ANO10: variants seen among roughly 807,000 people sequenced by gnomAD.
The protein encoded by ANO10 is anoctamin-10.
Under a neutral mutation model 74.7 loss-of-function variants are expected in ANO10, and 77 were observed. The ratio of observed to expected loss-of-function variants is 1.03; its 90% CI spans 0.86 to 1.25. The LOEUF (loss-of-function observed/expected upper bound fraction) is 1.25. Ranked by LOEUF, ANO10 falls within the 50% of genes most tolerant of loss-of-function variation. The pLI, the probability that ANO10 is intolerant of heterozygous loss-of-function variation, is 0.00. For missense variants in ANO10, 721 were observed against 778.1 expected (o/e 0.93, Z 0.87); for synonymous variants, 279 against 284.9 (o/e 0.98, Z 0.21).
intron 1 of ANO10, among the ~76,000 whole-genome samples, chr3:43,665,382 CGG>C (rs2083978250): frequency 1.3e-5 from 2 of 151,586 alleles, no homozygotes; most frequent in Non-Finnish European, 2.9e-5. Context: ...GGGGGGTGGG[CGG>C]TTAAGGGAGG....
At chr3:43,656,007 T>C (rs1178477330) in intron 1 of ANO10, among the ~76,000 whole-genome samples, 1 of 76,706 alleles carries the variant, frequency 1.3e-5, no homozygotes, top group Non-Finnish European at 2.6e-5. Context: ...ATAAAGGTTC[T>C]CCACGTCCCC....
At chr3:43,566,174 C>T (rs1330636552) in intron 7 of ANO10, among the ~76,000 whole-genome samples, 4 of 152,122 alleles carry the variant, frequency 2.6e-5, no homozygotes, top group Admixed American at 6.5e-5. Flanking sequence ...GCACCTGGCT[C>T]GGAGGGTCCT....
At chr3:43,596,459 C>T (rs1376009482) in intron 4 of ANO10, among the ~76,000 whole-genome samples, 1 of 152,108 alleles carries the variant, frequency 6.6e-6, no homozygotes, top group Non-Finnish European at 1.5e-5. Context: ...AATAATGCCA[C>T]ACACCTACAA....
chr3:43,658,933 G>A (rs191050695), intron 1 of ANO10, among the ~76,000 whole-genome samples: 1 of 152,250 alleles, frequency 6.6e-6, no homozygotes, highest in Non-Finnish European at 1.5e-5. Context: ...CTTGACCTGG[G>A]TGGTAGTTGT....
intron 4 of ANO10, among the ~76,000 whole-genome samples, chr3:43,587,508 G>A (rs188468113): frequency 8.5e-4 from 129 of 152,308 alleles, no homozygotes; most frequent in African/African-American, 2.8e-3. Flanking sequence ...AACAAGTCTG[G>A]GACCTGACGG....
chr3:43,629,261 T>C (rs2083522990), intron 1 of ANO10, among the ~76,000 whole-genome samples: 2 of 152,236 alleles, frequency 1.3e-5, no homozygotes, highest in Admixed American at 6.5e-5. Context: ...GGATTTGAGA[T>C]AAACATATTT....
chr3:43,485,032 C>T (rs2076415765), intron 11 of ANO10: 18 of 1,440,866 alleles, frequency 1.2e-5, no homozygotes, highest in Non-Finnish European at 1.7e-5. Context: ...GGCTCAGGAC[C>T]CGGTGGGGCA....
At chr3:43,509,031 T>C (rs867811946) in intron 11 of ANO10, among the ~76,000 whole-genome samples, 12 of 151,090 alleles carry the variant, frequency 7.9e-5, no homozygotes, top group South Asian at 2.1e-4. Flanking sequence ...TGGAATACTA[T>C]GCAGCCATAG....
intron 1 of ANO10, among the ~76,000 whole-genome samples, chr3:43,613,709 A>G (rs1327227645): frequency 6.6e-6 from 1 of 152,212 alleles, no homozygotes; most frequent in African/African-American, 2.4e-5. Flanking sequence ...ACCTACTAGT[A>G]GAATACAGAG....
chr3:43,377,916 G>A (rs1230061968), intron 12 of ANO10, among the ~76,000 whole-genome samples: 1 of 152,146 alleles, frequency 6.6e-6, no homozygotes, highest in Non-Finnish European at 1.5e-5. Flanking sequence ...CCTGAACTGG[G>A]GTGGCACAGT....
chr3:43,592,361 T>A (rs941280039), intron 4 of ANO10, among the ~76,000 whole-genome samples: 1 of 152,176 alleles, frequency 6.6e-6, no homozygotes, highest in Admixed American at 6.5e-5. Flanking sequence ...CGGGGCCAAC[T>A]GACACCTCGT....
At chr3:43,639,506 T>C (rs2083649388) in intron 1 of ANO10, among the ~76,000 whole-genome samples, 1 of 152,228 alleles carries the variant, frequency 6.6e-6, no homozygotes, top group South Asian at 2.1e-4. Flanking sequence ...GGCTCACGCC[T>C]GTAATCCCAG....
intron 9 of ANO10, among the ~76,000 whole-genome samples, chr3:43,560,288 G>A (rs912528938): frequency 6.6e-6 from 1 of 152,222 alleles, no homozygotes; most frequent in Non-Finnish European, 1.5e-5. Context: ...GGTTCTGGAT[G>A]AGGGGCTTGG....
intron 1 of ANO10, among the ~76,000 whole-genome samples, chr3:43,619,615 C>T (rs1271830375): frequency 6.6e-6 from 1 of 151,728 alleles, no homozygotes; most frequent in East Asian, 1.9e-4. Context: ...TTTGGGAGTC[C>T]ATGGGGGGTG....
At chr3:43,598,984 G>A (rs2082216005) in intron 3 of ANO10, among the ~76,000 whole-genome samples, 1 of 152,114 alleles carries the variant, frequency 6.6e-6, no homozygotes, top group African/African-American at 2.4e-5. Flanking sequence ...TTCTAATAAT[G>A]CATTAAACTT....
intron 1 of ANO10, chr3:43,617,883 A>G (rs565433306): frequency 1.5e-4 from 23 of 152,376 alleles, no homozygotes; most frequent in Admixed American, 1.3e-3. Flanking sequence ...CTTCAGTAAG[A>G]GAAAAATGAA....
At chr3:43,608,533 T>A (rs895907203) in intron 1 of ANO10, among the ~76,000 whole-genome samples, 2 of 152,228 alleles carry the variant, frequency 1.3e-5, no homozygotes, top group East Asian at 3.9e-4. Context: ...CCCAAATTGC[T>A]GGGACTTCAG....
At chr3:43,480,639 T>A (rs2076231060) in intron 11 of ANO10, among the ~76,000 whole-genome samples, 1 of 152,074 alleles carries the variant, frequency 6.6e-6, no homozygotes, top group African/African-American at 2.4e-5. Context: ...AAAGGGGTGG[T>A]AAACGAGAAG....
intron 1 of ANO10, among the ~76,000 whole-genome samples, chr3:43,687,065 C>T (rs553138515): frequency 6.6e-6 from 1 of 152,098 alleles, no homozygotes; most frequent in East Asian, 1.9e-4. Context: ...TCCCTTGACC[C>T]AGCTACCACT....
Sources: gnomAD v4.1 joint callset for allele counts (sites outside exome capture counted in the v4.1 genomes callset) on GRCh38, gnomAD v4.1.1 for gene constraint, MANE v1.5 for transcripts, NCBI Gene and HGNC (gene_info 2026-07-23, HGNC 2026-07-21) for gene names.